Variants in SPAG16 observed in about 807,000 individuals in gnomAD.
The protein encoded by SPAG16 is sperm-associated antigen 16 protein.
A neutral mutation model predicts 80.4 loss-of-function variants in SPAG16; 86 were observed. The observed-to-expected ratio is 1.07, with a 90% CI of 0.90 to 1.28. SPAG16 has a LOEUF of 1.28. Ranked by LOEUF, SPAG16 falls within the 50% of genes most tolerant of loss-of-function variation. The pLI, the probability that SPAG16 is intolerant of heterozygous loss-of-function variation, is 0.00. For synonymous variants in SPAG16, 294 were observed against 265.9 expected (o/e 1.11, Z -1.03); for missense variants, 870 against 765.3 (o/e 1.14, Z -1.61).
chr2:214,289,769 AT>A (rs148437929), intron 15 of SPAG16, among the ~76,000 whole-genome samples: 23,659 of 152,024 alleles, frequency 0.16, 2,587 homozygotes, highest in African/African-American at 0.3. Context: ...GGAAAGTGAC[AT>A]TCTTACTTTG....
At chr2:213,615,942 T>C (rs1263531593) in intron 10 of SPAG16, among the ~76,000 whole-genome samples, 1 of 152,174 alleles carries the variant, frequency 6.6e-6, no homozygotes, top group Non-Finnish European at 1.5e-5. Context: ...ACCTAATGTA[T>C]GCGAGGCTTA....
chr2:213,847,041 A>G (rs2074665568), intron 10 of SPAG16, among the ~76,000 whole-genome samples: 1 of 152,150 alleles, frequency 6.6e-6, no homozygotes, highest in African/African-American at 2.4e-5. Flanking sequence ...TCCAGAGGAC[A>G]TCCTGTTTCA....
intron 11 of SPAG16, among the ~76,000 whole-genome samples, chr2:213,866,119 C>T (rs1430921090): frequency 6.6e-6 from 1 of 150,768 alleles, no homozygotes; most frequent in African/African-American, 2.4e-5. Flanking sequence ...TTTTTAGAAA[C>T]TTACCAAAAA....
At chr2:214,391,377 T>C (rs1384767956) in intron 15 of SPAG16, among the ~76,000 whole-genome samples, 1 of 152,238 alleles carries the variant, frequency 6.6e-6, no homozygotes, top group Admixed American at 6.5e-5. Context: ...GTATTTCTTC[T>C]GATCTGATGA....
intron 15 of SPAG16, among the ~76,000 whole-genome samples, chr2:214,363,341 A>G (rs1021581449): frequency 5.3e-5 from 8 of 151,960 alleles, no homozygotes; most frequent in African/African-American, 1.9e-4. Flanking sequence ...TCTGCCCTTC[A>G]CTATTGAAAC....
At chr2:213,446,071 A>G (rs1463056244) in intron 9 of SPAG16, among the ~76,000 whole-genome samples, 1 of 152,222 alleles carries the variant, frequency 6.6e-6, no homozygotes, top group Non-Finnish European at 1.5e-5. Context: ...AAGAGCATCA[A>G]AGAATATAAA....
intron 15 of SPAG16, among the ~76,000 whole-genome samples, chr2:214,400,757 C>T (rs576463663): frequency 3.5e-4 from 53 of 152,096 alleles, no homozygotes; most frequent in Non-Finnish European, 5.9e-4. Flanking sequence ...GTTTGATGTC[C>T]ATTCAATATT....
chr2:213,772,048 C>T (rs1400329083), intron 10 of SPAG16, among the ~76,000 whole-genome samples: 2 of 152,102 alleles, frequency 1.3e-5, no homozygotes, highest in Non-Finnish European at 2.9e-5. Flanking sequence ...GGCACTTTGG[C>T]CATTTTCAAA....
At chr2:214,111,881 TA>T (rs1034753412) in intron 14 of SPAG16, among the ~76,000 whole-genome samples, 4 of 152,130 alleles carry the variant, frequency 2.6e-5, no homozygotes, top group African/African-American at 9.7e-5. Flanking sequence ...TATCTTTTTA[TA>T]ACTATTGTGA....
chr2:213,967,798 GA>G (rs1334918440), intron 12 of SPAG16, among the ~76,000 whole-genome samples: 7 of 152,082 alleles, frequency 4.6e-5, no homozygotes, highest in Admixed American at 4.6e-4. Context: ...CACATTTTAT[GA>G]AATGTTGAGT....
chr2:214,011,155 C>T (rs1340655771), intron 12 of SPAG16, among the ~76,000 whole-genome samples: 2 of 145,036 alleles, frequency 1.4e-5, no homozygotes, highest in Admixed American at 6.7e-5. Context: ...TTCTCTCCCA[C>T]CTCACCTCTC....
intron 15 of SPAG16, among the ~76,000 whole-genome samples, chr2:214,289,048 A>C: frequency 6.6e-6 from 1 of 151,976 alleles, no homozygotes; most frequent in South Asian, 2.1e-4. Flanking sequence ...GATTACAGGC[A>C]TGAGCCACCG....
intron 15 of SPAG16, among the ~76,000 whole-genome samples, chr2:214,407,309 TACAAG>T (rs1011492821): frequency 7.2e-5 from 11 of 152,056 alleles, no homozygotes; most frequent in African/African-American, 2.4e-4. Context: ...AATTACATGT[TACAAG>T]ACAATATTTT....
At chr2:214,160,010 G>A (rs1051749312) in intron 15 of SPAG16, among the ~76,000 whole-genome samples, 1 of 151,932 alleles carries the variant, frequency 6.6e-6, no homozygotes, top group Admixed American at 6.6e-5. Flanking sequence ...CTAGGATTCA[G>A]TGTTAAAGAG....
At chr2:214,074,133 G>C (rs1331703734) in intron 13 of SPAG16, among the ~76,000 whole-genome samples, 1 of 152,118 alleles carries the variant, frequency 6.6e-6, no homozygotes, top group Non-Finnish European at 1.5e-5. Flanking sequence ...AATAAAATGA[G>C]AAAACAGCTA....
At chr2:213,980,778 G>T (rs2045705015) in intron 12 of SPAG16, among the ~76,000 whole-genome samples, 3 of 146,712 alleles carry the variant, frequency 2.0e-5, no homozygotes, top group Non-Finnish European at 3.0e-5. Flanking sequence ...GTGTGATGGT[G>T]TGTGCCTGTA....
intron 14 of SPAG16, among the ~76,000 whole-genome samples, chr2:214,124,884 CA>C (rs2054400395): frequency 6.6e-6 from 1 of 151,780 alleles, no homozygotes; most frequent in South Asian, 2.1e-4. Context: ...CTTGGGCTGT[CA>C]TGTGCATCAT....
At chr2:214,368,847 T>G (rs1037293386) in intron 15 of SPAG16, among the ~76,000 whole-genome samples, 3 of 152,112 alleles carry the variant, frequency 2.0e-5, no homozygotes, top group African/African-American at 7.2e-5. Context: ...GAATCTAAAT[T>G]CTGAAATTCC....
chr2:213,856,030 C>T (rs559971749), intron 10 of SPAG16, among the ~76,000 whole-genome samples: 2 of 152,282 alleles, frequency 1.3e-5, no homozygotes, highest in South Asian at 2.1e-4. Flanking sequence ...TCGTCTGAGA[C>T]AAGTTCCTTC....
Sources: allele counts gnomAD v4.1 joint callset (sites outside exome capture counted in the v4.1 genomes callset), GRCh38; gene constraint gnomAD v4.1.1; transcripts MANE v1.5; gene names NCBI Gene and HGNC (gene_info 2026-07-23, HGNC 2026-07-21).